Variants in KLF12 observed in about 807,000 individuals in gnomAD.
KLF12 encodes the protein KLF transcription factor 12.
KLF12 carries 9 observed loss-of-function variants against 37.8 expected under a neutral mutation model. That is an observed-to-expected ratio of 0.24 (90% confidence interval 0.14 to 0.42). The LOEUF (loss-of-function observed/expected upper bound fraction) is 0.42. KLF12 is among the 10% of genes least tolerant of loss of function. KLF12 has a pLI of 1.00. For missense variants in KLF12, 411 were observed against 516.0 expected, an observed-to-expected ratio of 0.80 and a Z score of 1.97; for synonymous variants, 208 against 202.1, an observed-to-expected ratio of 1.03 and a Z score of -0.25.
chr13:74,123,091 A>C (rs1286038640), intron 1 of KLF12, among the ~76,000 whole-genome samples: 3 of 152,064 alleles, frequency 2.0e-5, no homozygotes, highest in Non-Finnish European at 4.4e-5. Flanking sequence ...TTTTCTAACG[A>C]TCTTCAGTTG....
At chr13:74,282,995 C>T in the KLF12 span, among the ~76,000 whole-genome samples, 1 of 152,120 alleles carries the variant, frequency 6.6e-6, no homozygotes, top group East Asian at 1.9e-4. Context: ...ACAAATGTGT[C>T]TCAATTCTTT....
At chr13:74,237,402 T>G in the KLF12 span, among the ~76,000 whole-genome samples, 2 of 144,078 alleles carry the variant, frequency 1.4e-5, no homozygotes, top group African/African-American at 2.9e-5. Context: ...TTCTTTTGGC[T>G]CAGGATTGAT....
the KLF12 span, among the ~76,000 whole-genome samples, chr13:74,239,051 C>G: frequency 6.7e-6 from 1 of 148,506 alleles, no homozygotes; most frequent in Admixed American, 6.7e-5. Flanking sequence ...AATTTTGGAT[C>G]TTTCCTGCTT....
chr13:74,100,677 CAT>C (rs113116221), intron 1 of KLF12, among the ~76,000 whole-genome samples: 3,787 of 151,908 alleles, frequency 0.025, 152 homozygotes, highest in African/African-American at 0.083. Context: ...TGTATATAAA[CAT>C]AGACATAAAC....
At chr13:73,739,977 C>G (rs1161484965) in intron 6 of KLF12, among the ~76,000 whole-genome samples, 1 of 152,166 alleles carries the variant, frequency 6.6e-6, no homozygotes, top group East Asian at 1.9e-4. Flanking sequence ...TCCTAGAAAG[C>G]CATGAGAAGG....
chr13:74,114,852 G>A (rs375878452), intron 1 of KLF12, among the ~76,000 whole-genome samples: 10 of 152,234 alleles, frequency 6.6e-5, no homozygotes, highest in South Asian at 2.1e-4. Flanking sequence ...AGTCTTACAC[G>A]TCATTCAAAC....
At chr13:74,057,549 T>C (rs558675598) in intron 1 of KLF12, among the ~76,000 whole-genome samples, 3 of 152,324 alleles carry the variant, frequency 2.0e-5, no homozygotes, top group East Asian at 1.9e-4. Flanking sequence ...AAAGACAATT[T>C]TGACCATATC....
At chr13:74,162,673 T>C in the KLF12 span, among the ~76,000 whole-genome samples, 1 of 152,224 alleles carries the variant, frequency 6.6e-6, no homozygotes, top group Non-Finnish European at 1.5e-5. Context: ...CCTCAGCATG[T>C]ACATAGTTTT....
At chr13:73,822,950 G>A (rs572086636) in intron 4 of KLF12, among the ~76,000 whole-genome samples, 1 of 152,162 alleles carries the variant, frequency 6.6e-6, no homozygotes, top group African/African-American at 2.4e-5. Context: ...AGCTCAAACC[G>A]ATTTATTCAA....
intron 3 of KLF12, among the ~76,000 whole-genome samples, chr13:73,913,627 G>A (rs1332829578): frequency 6.6e-6 from 1 of 152,142 alleles, no homozygotes; most frequent in Non-Finnish European, 1.5e-5. Flanking sequence ...GACTGGATGG[G>A]CTAATAAATA....
chr13:74,173,919 C>T, the KLF12 span, among the ~76,000 whole-genome samples: 1 of 152,148 alleles, frequency 6.6e-6, no homozygotes, highest in Non-Finnish European at 1.5e-5. Context: ...TGTTTATTAA[C>T]CTTGGCCTTT....
intron 5 of KLF12, among the ~76,000 whole-genome samples, chr13:73,812,592 G>T (rs1883001168): frequency 6.6e-6 from 1 of 151,540 alleles, no homozygotes; most frequent in South Asian, 2.1e-4. Flanking sequence ...TCAATTCTAG[G>T]TACAAGGTTG....
At chr13:73,946,020 A>G (rs1039453825) in intron 2 of KLF12, among the ~76,000 whole-genome samples, 6 of 152,126 alleles carry the variant, frequency 3.9e-5, no homozygotes, top group Non-Finnish European at 2.9e-5. Flanking sequence ...AGCTTGGCTT[A>G]CCACCATCCA....
At chr13:73,982,103 A>T (rs1474202995) in intron 2 of KLF12, among the ~76,000 whole-genome samples, 1 of 152,200 alleles carries the variant, frequency 6.6e-6, no homozygotes. Flanking sequence ...AGAGTGATTA[A>T]TTCTTTTAAT....
chr13:74,102,699 A>G (rs531581520), intron 1 of KLF12, among the ~76,000 whole-genome samples: 13 of 150,694 alleles, frequency 8.6e-5, no homozygotes, highest in Admixed American at 2.6e-4. Flanking sequence ...CTCTGTCTCA[A>G]AAAAAAAAAA....
At chr13:74,023,934 C>G (rs1369906064) in intron 1 of KLF12, among the ~76,000 whole-genome samples, 2 of 152,112 alleles carry the variant, frequency 1.3e-5, no homozygotes, top group Non-Finnish European at 2.9e-5. Flanking sequence ...AAGACAGTTC[C>G]TAAGAGATCA....
chr13:74,217,900 T>G, the KLF12 span, among the ~76,000 whole-genome samples: 4 of 152,350 alleles, frequency 2.6e-5, no homozygotes, highest in African/African-American at 9.6e-5. Context: ...TACAATGATG[T>G]GCTGGAATGT....
chr13:74,011,562 C>A (rs949554304), intron 1 of KLF12, among the ~76,000 whole-genome samples: 1 of 151,942 alleles, frequency 6.6e-6, no homozygotes, highest in African/African-American at 2.4e-5. Flanking sequence ...AACTGCAGAT[C>A]AAAAATATTC....
intron 3 of KLF12, among the ~76,000 whole-genome samples, chr13:73,896,009 A>G (rs1418925677): frequency 6.6e-6 from 1 of 151,960 alleles, no homozygotes; most frequent in Non-Finnish European, 1.5e-5. Context: ...TTTAGTAGAG[A>G]GAGGGTTTCA....
Sources: allele counts gnomAD v4.1 joint callset (sites outside exome capture counted in the v4.1 genomes callset), GRCh38; gene constraint gnomAD v4.1.1; transcripts MANE v1.5; gene names NCBI Gene and HGNC (gene_info 2026-07-23, HGNC 2026-07-21).